The following NRG4 variants were observed in gnomAD, a reference collection of about 807,000 sequenced individuals.
NRG4 encodes neuregulin 4.
A neutral mutation model predicts 15.0 loss-of-function variants in NRG4; 10 were observed. The ratio of observed to expected loss-of-function variants is 0.67; its 90% CI spans 0.41 to 1.13. The LOEUF is 1.13. Among genes scored for constraint, NRG4 ranks in the 50% most tolerant of loss-of-function variants. NRG4 has a pLI of 0.00. For synonymous variants in NRG4, 41 were observed against 50.1 expected, an observed-to-expected ratio of 0.82 and a Z score of 0.77; for missense variants, 139 against 140.2, an observed-to-expected ratio of 0.99 and a Z score of 0.04.
At chr15:76,052,500 A>G (rs754425898) in intron 3 of NRG4, among the ~76,000 whole-genome samples, 2 of 151,082 alleles carry the variant, frequency 1.3e-5, no homozygotes, top group Non-Finnish European at 2.9e-5. Context: ...GCAAACAGGG[A>G]TTTTGTAAGG....
At chr15:76,034,996 G>A (rs1481837720) in intron 5 of NRG4, among the ~76,000 whole-genome samples, 1 of 152,118 alleles carries the variant, frequency 6.6e-6, no homozygotes, top group South Asian at 2.1e-4. Context: ...CATTTCCACA[G>A]AGCCAGCCTG....
At chr15:75,949,616 TTC>T (rs1157534800) in intron 5 of NRG4, among the ~76,000 whole-genome samples, 1 of 152,220 alleles carries the variant, frequency 6.6e-6, no homozygotes, top group Non-Finnish European at 1.5e-5. Context: ...ATGAAATTTT[TTC>T]TTTTTATCGA....
At chr15:76,035,005 T>G (rs909323854) in intron 5 of NRG4, among the ~76,000 whole-genome samples, 1 of 152,218 alleles carries the variant, frequency 6.6e-6, no homozygotes, top group Non-Finnish European at 1.5e-5. Flanking sequence ...AGAGCCAGCC[T>G]GCCATTGAAC....
chr15:75,948,366 C>T (rs12905847), intron 5 of NRG4, among the ~76,000 whole-genome samples: 11,888 of 151,920 alleles, frequency 0.078, 655 homozygotes, highest in Middle Eastern at 0.13. Flanking sequence ...ATCTCGTGAT[C>T]TCGGCTCACT....
intron 3 of NRG4, among the ~76,000 whole-genome samples, chr15:75,991,479 A>G (rs2034014861): frequency 6.6e-6 from 1 of 152,160 alleles, no homozygotes; most frequent in African/African-American, 2.4e-5. Flanking sequence ...AAATTTATTG[A>G]GACTTTTTTA....
chr15:75,987,150 A>G (rs189478539), intron 3 of NRG4, among the ~76,000 whole-genome samples: 13 of 152,306 alleles, frequency 8.5e-5, no homozygotes, highest in Admixed American at 5.2e-4. Context: ...GTCCCCAGGA[A>G]AGAAGTATAT....
chr15:75,997,017 C>T (rs764344923), intron 3 of NRG4, among the ~76,000 whole-genome samples: 3 of 151,736 alleles, frequency 2.0e-5, no homozygotes, highest in Admixed American at 1.3e-4. Flanking sequence ...TTTTCATGAT[C>T]TTCTCCCCAT....
intron 3 of NRG4, among the ~76,000 whole-genome samples, chr15:75,996,125 T>C (rs1212886696): frequency 6.6e-6 from 1 of 152,184 alleles, no homozygotes; most frequent in Non-Finnish European, 1.5e-5. Flanking sequence ...TTATATATCA[T>C]CATACATTAA....
chr15:75,969,345 C>A, intron 3 of NRG4: 2 of 365,486 alleles, frequency 5.5e-6, no homozygotes, highest in Non-Finnish European at 1.1e-5. Flanking sequence ...CAGCTGCCTT[C>A]CAAAGAAAAT....
chr15:76,051,091 C>T (rs1341977305), intron 4 of NRG4, among the ~76,000 whole-genome samples: 1 of 148,062 alleles, frequency 6.8e-6, no homozygotes, highest in Non-Finnish European at 1.5e-5. Context: ...CTGCAAGCTC[C>T]GCCTGCCGGG....
At chr15:76,042,067 G>A (rs2035756137) in intron 4 of NRG4, among the ~76,000 whole-genome samples, 1 of 152,094 alleles carries the variant, frequency 6.6e-6, no homozygotes, top group Non-Finnish European at 1.5e-5. Context: ...TAAACAATAT[G>A]CTCCAGAATG....
intron 4 of NRG4, among the ~76,000 whole-genome samples, chr15:76,049,039 G>A (rs760377853): frequency 6.7e-6 from 1 of 150,084 alleles, no homozygotes; most frequent in Non-Finnish European, 1.5e-5. Flanking sequence ...GCAATACTCC[G>A]TCACATAAAA....
chr15:75,949,209 C>T (rs372968847), intron 5 of NRG4, among the ~76,000 whole-genome samples: 2 of 152,028 alleles, frequency 1.3e-5, no homozygotes, highest in East Asian at 1.9e-4. Context: ...ACCAGAAGTT[C>T]GAGACCAGCC....
At chr15:75,956,634 G>A (rs1222288070) in intron 4 of NRG4, among the ~76,000 whole-genome samples, 1 of 152,158 alleles carries the variant, frequency 6.6e-6, no homozygotes, top group Non-Finnish European at 1.5e-5. Flanking sequence ...AAAATGATGT[G>A]TATTTTCTAA....
At chr15:75,958,710 C>T (rs535220656) in intron 4 of NRG4, among the ~76,000 whole-genome samples, 12 of 151,582 alleles carry the variant, frequency 7.9e-5, no homozygotes, top group South Asian at 2.1e-4. Flanking sequence ...TATATATATA[C>T]GCTTTTCCTT....
chr15:75,966,580 A>T (rs1014898873), intron 3 of NRG4, among the ~76,000 whole-genome samples: 1 of 152,122 alleles, frequency 6.6e-6, no homozygotes, highest in Non-Finnish European at 1.5e-5. Context: ...TCAGAAAAAA[A>T]CCCCATGTTT....
chr15:75,956,914 C>T (rs964663209), intron 4 of NRG4, among the ~76,000 whole-genome samples: 4 of 152,082 alleles, frequency 2.6e-5, no homozygotes, highest in African/African-American at 9.7e-5. Context: ...TGTTTTTTAG[C>T]TTTCTTTTTT....
chr15:76,059,544 CTTG>C lies in NRG4; in HGVS notation c.-328+108_-328+110del, dbSNP rs1488202269. 5.2e-5 allele frequency: 8 copies of C among 153,104 alleles called. No homozygotes were observed. The East Asian group carries it at 1.4e-3, about 26-fold the overall frequency. The allele number at this position is 153,104 out of a possible 1,614,324, so 9.5% of individuals were successfully genotyped here. A position where few individuals can be genotyped will look rare whatever the true frequency, so the allele number is the denominator to read the frequency against. ...CCGAGCGACGCCCTCGGCCTCCGCA[CTTG>C]TTGCTTCTGCGCCCCGCCTGCGTCC... On this transcript the variant is annotated intron_variant, in intron 1 of 8. Coordinates refer to the NRG4 transcript ENST00000563910.
At chr15:75,959,483 ATT>A (rs2032411868) in intron 4 of NRG4, among the ~76,000 whole-genome samples, 4 of 151,566 alleles carry the variant, frequency 2.6e-5, no homozygotes, top group African/African-American at 9.7e-5. Context: ...ATAAATAAAT[ATT>A]ATCTATTTAA....
Sources: allele counts gnomAD v4.1 joint callset (sites outside exome capture counted in the v4.1 genomes callset), GRCh38; gene constraint gnomAD v4.1.1; transcripts MANE v1.5; gene names NCBI Gene and HGNC (gene_info 2026-07-23, HGNC 2026-07-21).